The following SLC38A10 variants were observed in gnomAD, a reference collection of about 807,000 sequenced individuals.
The protein encoded by SLC38A10 is solute carrier family 38 member 10.
In SLC38A10, 53 loss-of-function variants were observed where a neutral mutation model predicts 81.0. The observed-to-expected ratio is 0.65, with a 90% CI of 0.53 to 0.82. The LOEUF is 0.82. SLC38A10 is among the 40% of genes least tolerant of loss of function. The pLI, the probability that SLC38A10 is intolerant of heterozygous loss-of-function variation, is 0.00. For synonymous variants in SLC38A10, 665 were observed against 655.3 expected (o/e 1.01, Z -0.23); for missense variants, 1,471 against 1,545.0 (o/e 0.95, Z 0.80).
intron 11 of SLC38A10, among the ~76,000 whole-genome samples, chr17:81,256,987 G>T (rs884028): frequency 0.066 from 10,067 of 152,310 alleles, 381 homozygotes; most frequent in East Asian, 0.13. Context: ...CTCCTGGGAG[G>T]CGGGAGAGGC....
rs368087267 is a variant in SLC38A10 at position 81,277,088 on chromosome 17, T to A, written c.672A>T (p.Lys224Asn). 3.3e-5 allele frequency: 53 copies of A among 1,613,882 alleles called. No homozygotes were observed. The African/African-American group carries it at 6.9e-4, about 21-fold the overall frequency. ...AGGAAGCAAATATGGAGCTCATGGT[T>A]TTCACTGACGGCTCATCCAGGCTGT... ...TYDSLDEPSV[K>N]TMSSIFASSL... The change falls in exon 7 of 16, where the codon AAA becomes AAT. Residue 224 changes from lysine (K) to asparagine (N), a missense_variant. Physicochemically the swap from Lys to Asn is moderately conservative, Grantham distance 94. Transcript: ENST00000374759. This position sits in a 1 kb window ranked among gnomAD's most constrained non-coding sequence, Gnocchi z 4.5.
At position 81,253,041 on chromosome 17, in the gene SLC38A10, C is replaced by G; in HGVS notation, c.1456+32G>C. The G allele has an allele frequency of 6.2e-7, 1 of 1,604,070 alleles. No individual in the cohort carries two copies. Among genetic ancestry groups the G allele is most frequent in the Non-Finnish European group, 8.5e-7 (1 of 1,175,980 alleles). On this transcript the variant is annotated intron_variant, in intron 12 of 15. Coordinates refer to ENST00000374759, the MANE Select transcript of SLC38A10 (RefSeq NM_001037984.3). The surrounding 1 kb of genome is among the most constrained non-coding windows in gnomAD (Gnocchi z 4.1). ...CAAAGGAGGACCCGGGGCCGCCCTT[C>G]CCCATCCGCACCCCCAGCCAGTGCC...
chr17:81,275,941 G>C (rs377189200), intron 8 of SLC38A10, 28 bp downstream of exon 8: 1 of 1,603,644 alleles, frequency 6.2e-7, no homozygotes, highest in African/African-American at 1.3e-5. Context: ...GTGCTATTAC[G>C]ATCCGGAGAG....
intron 8 of SLC38A10, among the ~76,000 whole-genome samples, chr17:81,274,893 C>T (rs566077967): frequency 2.6e-5 from 4 of 152,280 alleles, no homozygotes; most frequent in Middle Eastern, 6.8e-3. Flanking sequence ...TGAAAAAACC[C>T]AGCCTCACTT....
At position 81,276,156 on chromosome 17, in the gene SLC38A10, T is replaced by C. The variant is rs766520606; in HGVS notation, c.730-5A>G. On this transcript the variant is annotated splice_region_variant and splice_polypyrimidine_tract_variant and intron_variant, in intron 7 of 15. Coordinates refer to ENST00000374759, the MANE Select transcript of SLC38A10 (RefSeq NM_001037984.3). The surrounding 1 kb of genome is among the most constrained non-coding windows in gnomAD (Gnocchi z 4.7). The stretch of plus-strand genomic sequence containing the variant: ...GACGTAGCCGAAAAACCCCACCTGT[T>C]GGAGAATAAGAAATGGCAACGTGGC... The C allele has an allele frequency of 4.4e-6, 7 of 1,606,464 alleles. No homozygotes were observed. Among genetic ancestry groups the C allele is most frequent in the Admixed American group, 1.7e-5 (1 of 59,420 alleles).
chr17:81,271,007 G>A lies in SLC38A10; in HGVS notation c.1042C>T (p.Leu348Phe), dbSNP rs143437715. The A allele has an allele frequency of 4.8e-4, 770 of 1,612,522 alleles. 3 individuals carry two copies. Among genetic ancestry groups the A allele is most frequent in the Admixed American group, 6.3e-4 (38 of 60,010 alleles). Reference sequence around the variant, plus strand: ...AGGCTTCCCATGGTCGCTCCTGTGAGGCCCAGGATGGTCTCCACTAGGATG... The same window carrying A: ...AGGCTTCCCATGGTCGCTCCTGTGAAGCCCAGGATGGTCTCCACTAGGATG... The part of the protein sequence containing the change: ...LIPNVETILG[L>F]TGATMGSLIC... Residue 348 changes from leucine to phenylalanine, a missense_variant, in exon 10 of 16, where the codon CTC (leucine) becomes TTC (phenylalanine). Around this residue, in one of 2 missense-constraint regions of SLC38A10, gnomAD observed 720 missense variants for 827.7 expected, o/e 0.87. Transcript: ENST00000374759.
intron 14 of SLC38A10, 77 bp downstream of exon 14, chr17:81,251,416 G>C (rs761874794): frequency 6.2e-7 from 1 of 1,611,080 alleles, no homozygotes; most frequent in South Asian, 1.1e-5. Context: ...GGATGACCTG[G>C]GCATCACCCC....
chr17:81,280,463 C>T (rs1472704985), intron 6 of SLC38A10, 146 bp downstream of exon 6: 37 of 1,213,694 alleles, frequency 3.0e-5, no homozygotes, highest in East Asian at 2.3e-4. Flanking sequence ...CAACCTGGGG[C>T]GGGAAAGGTC....
chr17:81,253,319 T>C lies in SLC38A10; in HGVS notation c.1289-79A>G. 1 of 1,513,456 alleles carries C rather than the reference T, an allele frequency of 6.6e-7. No homozygotes were observed. Among genetic ancestry groups the C allele is most frequent in the South Asian group, 1.2e-5 (1 of 81,124 alleles). The allele number at this position is 1,513,456 out of a possible 1,614,324, so 93.8% of individuals were successfully genotyped here. A position where few individuals can be genotyped will look rare whatever the true frequency, so the allele number is the denominator to read the frequency against. ...GGCAGCTCTCCCTGGACTGTTACCA[T>C]ATTTTCCAGCCAAATGGCAGAGTCA... On this transcript the variant is annotated intron_variant, in intron 11 of 15. Coordinates refer to ENST00000374759, the MANE Select transcript of SLC38A10 (RefSeq NM_001037984.3). This position sits in a 1 kb window ranked among gnomAD's most constrained non-coding sequence, Gnocchi z 4.1.
At chr17:81,264,020 C>G (rs1391403535) in intron 10 of SLC38A10, 1 of 152,318 alleles carries the variant, frequency 6.6e-6, no homozygotes, top group African/African-American at 2.4e-5. Context: ...GCCGCAGTCC[C>G]CGAGGACAGG....
intron 8 of SLC38A10, among the ~76,000 whole-genome samples, chr17:81,274,852 T>G (rs1000296912): frequency 6.6e-6 from 1 of 152,346 alleles, no homozygotes; most frequent in African/African-American, 2.4e-5. Flanking sequence ...TAGAAAGAAC[T>G]AAGTAGCTGC....
intron 4 of SLC38A10, among the ~76,000 whole-genome samples, chr17:81,282,734 A>T (rs2063226047): frequency 6.6e-6 from 1 of 152,202 alleles, no homozygotes; most frequent in Non-Finnish European, 1.5e-5. Context: ...AAGCACGGAA[A>T]ACGGAAGGTC....
Position 81,289,560 on chromosome 17 carries a change from A to G in SLC38A10, c.217+131T>C, listed in dbSNP as rs2063293451. 1.5e-6 allele frequency: 1 copy of G among 668,368 alleles called. No homozygotes were observed. The highest frequency in any genetic ancestry group is 1.9e-5 in the African/African-American group (1 of 53,580). 41.4% of individuals were successfully genotyped at this position (668,368 alleles called of 1,614,324 possible). On this transcript the variant is annotated intron_variant, in intron 2 of 15. Coordinates refer to ENST00000374759, the MANE Select transcript of SLC38A10 (RefSeq NM_001037984.3). The surrounding 1 kb of genome is among the most constrained non-coding windows in gnomAD (Gnocchi z 5.9). ...CCGGCTCATTTTTTTGCAGCATTAC[A>G]TTTTAAAATAAAAAAAACCCTGCTA...
At chr17:81,258,108 A>G (rs2062989165) in intron 11 of SLC38A10, among the ~76,000 whole-genome samples, 1 of 152,222 alleles carries the variant, frequency 6.6e-6, no homozygotes, top group South Asian at 2.1e-4. Flanking sequence ...ACCACGACAC[A>G]TGACATCTGC....
chr17:81,251,382 A>C, intron 14 of SLC38A10, 111 bp downstream of exon 14: 1 of 1,612,522 alleles, frequency 6.2e-7, no homozygotes, highest in Non-Finnish European at 8.5e-7. Context: ...TGGAAAGAGA[A>C]GGGGGGCCTG....
intron 14 of SLC38A10, among the ~76,000 whole-genome samples, chr17:81,249,688 C>T (rs1050917935): frequency 1.6e-4 from 24 of 151,830 alleles, no homozygotes; most frequent in Non-Finnish European, 1.3e-4. Context: ...GCAGAAGGCA[C>T]GAAGCCACCC....
chr17:81,280,529 GAGAA>G (rs2063200996), intron 6 of SLC38A10, 76 bp downstream of exon 6: 7 of 1,573,028 alleles, frequency 4.5e-6, no homozygotes, highest in Non-Finnish European at 5.2e-6. Flanking sequence ...CACAGTAAAC[GAGAA>G]AGAGAGGGTC....
chr17:81,257,125 GTTTTCT>G (rs2062980262), intron 11 of SLC38A10, among the ~76,000 whole-genome samples: 1 of 152,242 alleles, frequency 6.6e-6, no homozygotes, highest in African/African-American at 2.4e-5. Context: ...TACTGAGAAA[GTTTTCT>G]TTTTAAGAGA....
At chr17:81,274,213 C>A (rs1019419442) in intron 8 of SLC38A10, among the ~76,000 whole-genome samples, 6 of 152,242 alleles carry the variant, frequency 3.9e-5, no homozygotes, top group African/African-American at 1.4e-4. Context: ...CACCCGTGCC[C>A]AGGTGCCTGA....
Sources: allele counts gnomAD v4.1 joint callset (sites outside exome capture counted in the v4.1 genomes callset), GRCh38; gene constraint gnomAD v4.1.1; regional missense constraint gnomAD v4.1.1; non-coding constraint Gnocchi (gnomAD v3.1); transcripts MANE v1.5; gene names NCBI Gene and HGNC (gene_info 2026-07-23, HGNC 2026-07-21).